TMEM71: variants seen among roughly 807,000 people sequenced by gnomAD.
TMEM71 encodes the protein transmembrane protein 71.
TMEM71 carries 44 observed loss-of-function variants against 38.0 expected under a neutral mutation model. The ratio of observed to expected loss-of-function variants is 1.16; its 90% CI spans 0.91 to 1.49. TMEM71 has a LOEUF of 1.49. TMEM71 is among the 40% of genes most tolerant of loss of function. The pLI, the probability that TMEM71 is intolerant of heterozygous loss-of-function variation, is 0.00. For synonymous variants in TMEM71, 133 were observed against 122.5 expected, an observed-to-expected ratio of 1.09 and a Z score of -0.56; for missense variants, 367 against 348.6, an observed-to-expected ratio of 1.05 and a Z score of -0.42.
At chr8:132,729,874 GA>G (rs1344993423) in intron 5 of TMEM71, among the ~76,000 whole-genome samples, 1 of 152,106 alleles carries the variant, frequency 6.6e-6, no homozygotes, top group Non-Finnish European at 1.5e-5. Context: ...GAGAAGGCAT[GA>G]AAGCTTATCT....
intron 7 of TMEM71, among the ~76,000 whole-genome samples, chr8:132,717,543 A>T (rs781041832): frequency 4.6e-5 from 7 of 152,242 alleles, no homozygotes; most frequent in Non-Finnish European, 5.9e-5. Context: ...ACAGTGAGAT[A>T]TCACACCACA....
At chr8:132,774,729 C>T in the TMEM71 span, among the ~76,000 whole-genome samples, 1 of 152,188 alleles carries the variant, frequency 6.6e-6, no homozygotes, top group African/African-American at 2.4e-5. Context: ...GGTAGGTATT[C>T]GATAAAAGCA....
At chr8:132,726,813 A>C (rs1827166963) in intron 6 of TMEM71, among the ~76,000 whole-genome samples, 1 of 151,160 alleles carries the variant, frequency 6.6e-6, no homozygotes, top group Admixed American at 6.6e-5. Flanking sequence ...GAAGCATAGC[A>C]TTAAAGGATG....
chr8:132,741,614 G>A lies in TMEM71; in HGVS notation c.487+5328C>T, dbSNP rs537877848. On this transcript the variant is annotated intron_variant, in intron 5 of 9. Transcript: ENST00000677595. ...CTGGCAGCCGAGGCAGAGAGACAGA[G>A]GTGACAAAGAGAAAGACAGCTTATG... Among the ~76,000 whole-genome samples, 8 of 151,746 alleles carry A rather than the reference G, an allele frequency of 5.3e-5. No homozygotes were observed. In the East Asian group the frequency reaches 7.8e-4, roughly 15 times the overall value.
chr8:132,775,531 CT>C, the TMEM71 span: 1 of 372,886 alleles, frequency 2.7e-6, no homozygotes, highest in African/African-American at 2.1e-5. Flanking sequence ...CTCCTGCTCC[CT>C]CCCCGGCCGC....
intron 5 of TMEM71, among the ~76,000 whole-genome samples, chr8:132,741,451 T>C (rs550538533): frequency 1.3e-5 from 2 of 152,038 alleles, no homozygotes; most frequent in Admixed American, 6.5e-5. Context: ...CAGAGACCAG[T>C]AGTGGCCCCG....
chr8:132,773,098 T>G, the TMEM71 span, among the ~76,000 whole-genome samples: 1 of 152,264 alleles, frequency 6.6e-6, no homozygotes, highest in Non-Finnish European at 1.5e-5. Flanking sequence ...CCTACATGAA[T>G]GTCTGGAAGG....
chr8:132,717,143 A>T (rs962269398), intron 7 of TMEM71, among the ~76,000 whole-genome samples: 22 of 152,238 alleles, frequency 1.4e-4, no homozygotes, highest in African/African-American at 4.6e-4. Flanking sequence ...ACAACAAAAG[A>T]TGGGTGAGAA....
rs1171283034 is a variant in TMEM71, at chr8:132,747,533, G to C, written c.315-419C>G. Among the ~76,000 whole-genome samples, 3 of 152,312 alleles carry C rather than the reference G, an allele frequency of 2.0e-5. No homozygotes were observed. The East Asian group carries it at 5.8e-4, about 29-fold the overall frequency. On this transcript the variant is annotated intron_variant, in intron 4 of 9. Transcript: ENST00000677595. ...CAGATAGGTTAAGTCACTTGGCTGA[G>C]GTCATGCAGCTAGTAAGTAACATAG...
chr8:132,736,625 T>A (rs1436919383), intron 5 of TMEM71, among the ~76,000 whole-genome samples: 1 of 151,152 alleles, frequency 6.6e-6, no homozygotes, highest in African/African-American at 2.4e-5. Context: ...AGCTCAGGAG[T>A]TTGAGACCAG....
At chr8:132,719,447 A>T (rs1826718439) in intron 7 of TMEM71, among the ~76,000 whole-genome samples, 1 of 152,204 alleles carries the variant, frequency 6.6e-6, no homozygotes, top group Admixed American at 6.5e-5. Flanking sequence ...AACATAAAGG[A>T]ATTTTGTTTA....
intron 4 of TMEM71, 109 bp downstream of exon 4, chr8:132,751,676 G>A: frequency 9.6e-7 from 1 of 1,045,258 alleles, no homozygotes; most frequent in East Asian, 2.5e-5. Context: ...CCACAGTCTG[G>A]AGCAATAATG....
At chr8:132,717,087 T>A (rs1475901587) in intron 7 of TMEM71, among the ~76,000 whole-genome samples, 1 of 152,066 alleles carries the variant, frequency 6.6e-6, no homozygotes, top group African/African-American at 2.4e-5. Flanking sequence ...AAAGGTTAAC[T>A]CAAAATGAAT....
chr8:132,739,870 A>C (rs578019350), intron 5 of TMEM71, among the ~76,000 whole-genome samples: 41 of 152,296 alleles, frequency 2.7e-4, no homozygotes, highest in South Asian at 1.0e-3. Flanking sequence ...TCTACCTGTA[A>C]GACGAATCTG....
At chr8:132,714,107 A>T (rs769047968) in intron 8 of TMEM71, 47 bp downstream of exon 8, 2 of 1,610,510 alleles carry the variant, frequency 1.2e-6, no homozygotes, top group Non-Finnish European at 1.7e-6. Context: ...CCAAAATTGG[A>T]ATGAAATACA....
intron 5 of TMEM71, among the ~76,000 whole-genome samples, chr8:132,736,046 G>A (rs1388977698): frequency 6.6e-6 from 1 of 152,208 alleles, no homozygotes; most frequent in East Asian, 1.9e-4. Context: ...AAACCAAAGA[G>A]ATTGTAGCAA....
intron 5 of TMEM71, among the ~76,000 whole-genome samples, 182 bp downstream of exon 5, chr8:132,746,752 GACATAGAC>G: frequency 6.6e-6 from 1 of 152,086 alleles, no homozygotes; most frequent in Non-Finnish European, 1.5e-5. Flanking sequence ...TATTTTGCAT[GACATAGAC>G]ACATATGTGT....
chr8:132,732,949 G>A (rs1312607910), intron 5 of TMEM71, among the ~76,000 whole-genome samples: 1 of 152,132 alleles, frequency 6.6e-6, no homozygotes, highest in Admixed American at 6.5e-5. Context: ...CATTGAGAGA[G>A]CTGACCTAAC....
upstream of TMEM71, among the ~76,000 whole-genome samples, chr8:132,763,280 G>A (rs560405649): frequency 2.6e-5 from 4 of 152,292 alleles, no homozygotes; most frequent in South Asian, 8.3e-4. Flanking sequence ...GCCAGAACAT[G>A]AGCATTAAAA....
Sources: allele counts gnomAD v4.1 joint callset (sites outside exome capture counted in the v4.1 genomes callset), GRCh38; gene constraint gnomAD v4.1.1; transcripts MANE v1.5; gene names NCBI Gene and HGNC (gene_info 2026-07-23, HGNC 2026-07-21).